The following FNTB variants were observed in gnomAD, a reference collection of about 807,000 sequenced individuals.
The protein encoded by FNTB is farnesyltransferase, CAAX box, subunit beta, also known as protein farnesyltransferase subunit beta.
Under a neutral mutation model 59.4 loss-of-function variants are expected in FNTB, and 27 were observed. The observed-to-expected ratio is 0.45, with a 90% CI of 0.34 to 0.63. FNTB has a LOEUF of 0.63. Ranked by LOEUF, FNTB falls within the 20% of genes least tolerant of loss-of-function variation. The pLI is 0.02. For missense variants in FNTB, 449 were observed against 559.6 expected (o/e 0.80, Z 1.99); for synonymous variants, 230 against 220.7 (o/e 1.04, Z -0.37).
At chr14:64,998,443 G>A (rs1047027641) in intron 1 of FNTB, among the ~76,000 whole-genome samples, 2 of 144,062 alleles carry the variant, frequency 1.4e-5, no homozygotes, top group African/African-American at 4.9e-5. Flanking sequence ...TTGGCTACAA[G>A]GATCAGTAAC....
At position 64,991,780 on chromosome 14, in the gene FNTB, C is replaced by T. The variant is rs1872070809; in HGVS notation, c.144+4683C>T. Among the ~76,000 whole-genome samples the T allele has an allele frequency of 3.9e-5, 6 of 152,082 alleles. 1 individual carries two copies. In the South Asian group the frequency reaches 1.2e-3, roughly 32 times the overall value. On this transcript the variant is annotated intron_variant, in intron 1 of 11. Transcript: ENST00000246166. This position sits in a 1 kb window ranked among gnomAD's most constrained non-coding sequence, Gnocchi z 4.4. ...CTGTAAAAAATAGAGTTTGGGGCAG[C>T]CATTCAAGGAGGGAGAGCTGTTTTG... is the stretch of plus-strand genomic sequence containing the variant.
At chr14:64,996,766 CT>C (rs34327825) in intron 1 of FNTB, among the ~76,000 whole-genome samples, 1,978 of 94,470 alleles carry the variant, frequency 0.021, 18 homozygotes, top group African/African-American at 0.056. Flanking sequence ...TTGCTAACAT[CT>C]TTTTTTTTTT....
At chr14:65,042,197 G>A (rs2062368285) in intron 8 of FNTB, among the ~76,000 whole-genome samples, 1 of 152,008 alleles carries the variant, frequency 6.6e-6, no homozygotes, top group South Asian at 2.1e-4. Flanking sequence ...TTGGGGGTGG[G>A]ACGGGGGGTG....
intron 11 of FNTB, among the ~76,000 whole-genome samples, chr14:65,057,522 G>A (rs773927341): frequency 6.6e-6 from 1 of 152,166 alleles, no homozygotes; most frequent in Non-Finnish European, 1.5e-5. Flanking sequence ...GGGAGGGTAG[G>A]TGAGGATTAA....
At chr14:65,060,429 A>G (rs1027661206) in intron 11 of FNTB, among the ~76,000 whole-genome samples, 2 of 141,380 alleles carry the variant, frequency 1.4e-5, no homozygotes, top group African/African-American at 6.1e-5. Flanking sequence ...TCTCTACTAA[A>G]AATACAAAAA....
At chr14:65,006,208 C>G (rs2061586989) in intron 2 of FNTB, 2 of 1,606,940 alleles carry the variant, frequency 1.2e-6, no homozygotes, top group Non-Finnish European at 1.7e-6. Context: ...TTCTGATTAG[C>G]CATGGCAGAA....
chr14:65,026,360 G>C (rs1195318564), intron 4 of FNTB, among the ~76,000 whole-genome samples: 3 of 152,308 alleles, frequency 2.0e-5, no homozygotes, highest in East Asian at 1.9e-4. Context: ...AGGCTTGGAG[G>C]CAAACCCTCA....
chr14:65,027,557 T>G lies in FNTB; in HGVS notation c.479T>G (p.Leu160Trp). 1 of 1,614,200 alleles carries G rather than the reference T, an allele frequency of 6.2e-7. No individual in the cohort carries two copies. The highest frequency in any genetic ancestry group is 8.5e-7 in the Non-Finnish European group (1 of 1,180,038). Residue 160 changes from leucine to tryptophan, a missense_variant, in exon 5 of 12, where the codon TTG (leucine) becomes TGG (tryptophan). Around this residue, in one of 2 missense-constraint regions of FNTB, gnomAD observed 337 missense variants for 479.1 expected, o/e 0.70. Coordinates refer to ENST00000246166, the MANE Select transcript of FNTB (RefSeq NM_002028.4). The surrounding 1 kb of genome is among the most constrained non-coding windows in gnomAD (Gnocchi z 5.7). ...LAPTYAAVNALCIIGTEEAYD... is the reference protein window; with the variant it reads ...LAPTYAAVNAWCIIGTEEAYD... ...CCCACATATGCAGCAGTCAATGCATTGTGCATCATTGGCACCGAGGAGGCC... is the reference window on the plus strand; with the variant it reads ...CCCACATATGCAGCAGTCAATGCATGGTGCATCATTGGCACCGAGGAGGCC...
intron 1 of FNTB, among the ~76,000 whole-genome samples, chr14:64,989,272 CAAAAAAAAAAA>C (rs58654871): frequency 2.9e-5 from 2 of 69,938 alleles, no homozygotes; most frequent in South Asian, 4.5e-4. Context: ...CTGTCTCTAC[CAAAAAAAAAAA>C]AAAAAAAAAA....
intron 4 of FNTB, among the ~76,000 whole-genome samples, chr14:65,020,508 C>T (rs1005344048): frequency 6.6e-6 from 1 of 152,174 alleles, no homozygotes; most frequent in Non-Finnish European, 1.5e-5. Flanking sequence ...TCACTGCAAC[C>T]TCCACCTCCT....
chr14:65,046,133 C>T (rs1266810090), intron 9 of FNTB, among the ~76,000 whole-genome samples: 5 of 152,198 alleles, frequency 3.3e-5, no homozygotes, highest in Admixed American at 3.3e-4. Context: ...TGCACCACCA[C>T]GCCCAGCCAA....
rs551032034 is a variant in FNTB, at chr14:65,029,560, G to T, written c.605+1779G>T. On this transcript the variant is annotated intron_variant, in intron 6 of 11. Coordinates refer to ENST00000246166, the MANE Select transcript of FNTB (RefSeq NM_002028.4). This position sits in a 1 kb window ranked among gnomAD's most constrained non-coding sequence, Gnocchi z 4.7. ...TCATAGCAAGCACTATTTTTTCTCA[G>T]TTCTTAAGAAAGGAGACCTCCTTTC... 5.9e-4 allele frequency among the ~76,000 whole-genome samples: 90 copies of T among 152,308 alleles called. No homozygotes were observed. The highest frequency in any genetic ancestry group is 1.3e-3 in the Admixed American group (20 of 15,302).
intron 11 of FNTB, among the ~76,000 whole-genome samples, chr14:65,056,683 A>G (rs567732642): frequency 6.6e-6 from 1 of 152,092 alleles, no homozygotes; most frequent in Non-Finnish European, 1.5e-5. Context: ...GGGTAACTTC[A>G]GTTGTTTTCC....
chr14:65,006,404 T>A, intron 2 of FNTB: 1 of 1,452,112 alleles, frequency 6.9e-7, no homozygotes, highest in South Asian at 1.3e-5. Context: ...ATTCCTCTTG[T>A]CATGAGATAC....
rs1024185293 is a variant in FNTB, at chr14:64,991,831, G to A, written c.144+4734G>A. ...AGGGAAGACTCAGGCTTGACTGGGGGCGTTAAGATGGCTTACCAGGAACGG... is the reference window on the plus strand; with the variant it reads ...AGGGAAGACTCAGGCTTGACTGGGGACGTTAAGATGGCTTACCAGGAACGG... On this transcript the variant is annotated intron_variant, in intron 1 of 11. Coordinates refer to ENST00000246166, the MANE Select transcript of FNTB (RefSeq NM_002028.4). The surrounding 1 kb of genome is among the most constrained non-coding windows in gnomAD (Gnocchi z 4.4). Among the ~76,000 whole-genome samples the A allele has an allele frequency of 5.3e-5, 8 of 152,212 alleles. No homozygotes were observed. Among genetic ancestry groups the A allele is most frequent in the African/African-American group, 1.9e-4 (8 of 41,532 alleles).
In FNTB at chr14:65,054,665, C is replaced by T. The variant is rs1370776871; in HGVS notation, c.1158C>T (p.Val386=). The change falls in exon 11 of 12, where the codon GTC becomes GTT. Residue 386 remains valine, a synonymous_variant. Transcript: ENST00000246166. This position sits in a 1 kb window ranked among gnomAD's most constrained non-coding sequence, Gnocchi z 4.4. ...GCGGAGCCATGTTGCATGATGTGGT[C>T]CTGGGTGTGCCCGAAAACGCTCTGG... ...FGSGAMLHDV[V]LGVPENALQP... is the part of the protein sequence containing the mutation. The T allele has an allele frequency of 3.7e-6, 6 of 1,612,412 alleles. No homozygotes were observed. The highest frequency in any genetic ancestry group is 2.7e-5 in the African/African-American group (2 of 74,852).
chr14:65,004,469 A>T (rs982100553), intron 2 of FNTB, among the ~76,000 whole-genome samples, 156 bp downstream of exon 2: 2 of 151,192 alleles, frequency 1.3e-5, no homozygotes, highest in African/African-American at 4.9e-5. Flanking sequence ...TAAGACCCCC[A>T]CTCCTCCCTC....
intron 7 of FNTB, among the ~76,000 whole-genome samples, chr14:65,037,402 C>CT (rs765037575): frequency 5.5e-4 from 8 of 14,530 alleles, no homozygotes; most frequent in Non-Finnish European, 8.3e-4. Context: ...CACGCCGGGC[C>CT]CTTTTTTTTT....
chr14:64,993,227 G>A (rs778893192), intron 1 of FNTB, among the ~76,000 whole-genome samples: 6 of 152,100 alleles, frequency 3.9e-5, no homozygotes, highest in Non-Finnish European at 8.8e-5. Context: ...CCACAAATTC[G>A]AGACAGCCTG....
Sources: gnomAD v4.1 joint callset for allele counts (sites outside exome capture counted in the v4.1 genomes callset) on GRCh38, gnomAD v4.1.1 for gene constraint, gnomAD v4.1.1 regional missense constraint, Gnocchi (gnomAD v3.1) non-coding constraint, MANE v1.5 for transcripts, NCBI Gene and HGNC (gene_info 2026-07-23, HGNC 2026-07-21) for gene names.